Variants in ZNF121 observed in about 807,000 individuals in gnomAD.
ZNF121 encodes the protein zinc finger protein 121 (clone ZHC32).
Under a neutral mutation model 2.4 loss-of-function variants are expected in ZNF121, and 1 was observed. The ratio of observed to expected loss-of-function variants is 0.41; its 90% confidence interval spans 0.15 to 1.94. ZNF121 has a LOEUF of 1.94. Ranked by LOEUF, ZNF121 falls within the 30% of genes most tolerant of loss-of-function variation. The pLI, the probability that ZNF121 is intolerant of heterozygous loss-of-function variation, is 0.30. For missense variants in ZNF121, 369 were observed against 466.3 expected (o/e 0.79, Z 1.92); for synonymous variants, 173 against 158.6 (o/e 1.09, Z -0.68).
At chr19:9,568,621 G>A (rs559554544) in intron 2 of ZNF121, among the ~76,000 whole-genome samples, 9 of 151,956 alleles carry the variant, frequency 5.9e-5, no homozygotes, top group African/African-American at 1.5e-4. Flanking sequence ...AGATCCACCC[G>A]CCTCAGCCTC....
rs1302445129 is a variant in ZNF121 at position 9,563,069 on chromosome 19, A to G, written c.*2871T>C. ...CCATGTCTCAAAAAAAAAAAAAAAA[A>G]AAAAACTGGGATAGGCCAAAATCTA... is the stretch of plus-strand genomic sequence containing the variant. On this transcript the variant is annotated 3_prime_UTR_variant, in exon 4 of 4. Coordinates refer to ENST00000320451, the MANE Select transcript of ZNF121 (RefSeq NM_001008727.5). 6.6e-6 allele frequency: 1 copy of G among 151,278 alleles called. No homozygotes were observed. Among genetic ancestry groups the G allele is most frequent in the Non-Finnish European group, 1.5e-5 (1 of 67,852 alleles). 9.4% of individuals were successfully genotyped at this position (151,278 alleles called of 1,614,324 possible).
Position 9,561,251 on chromosome 19 carries a change from C to G in ZNF121, c.*4689G>C, listed in dbSNP as rs117042391. The G allele has an allele frequency of 6.6e-6, 1 of 152,232 alleles. No homozygotes were observed. Among genetic ancestry groups the G allele is most frequent in the Non-Finnish European group, 1.5e-5 (1 of 68,032 alleles). 9.4% of individuals were successfully genotyped at this position (152,232 alleles called of 1,614,324 possible). The stretch of plus-strand genomic sequence containing the variant: ...CTAGGAACACCTCCCTACACAGAGA[C>G]TGCAGCTTCTAAATAGTATTCTCCA... On this transcript the variant is annotated 3_prime_UTR_variant, in exon 4 of 4. Transcript: ENST00000320451.
At chr19:9,584,140 C>T (rs1055761453) in intron 1 of ZNF121, 1 of 152,220 alleles carries the variant, frequency 6.6e-6, no homozygotes, top group Non-Finnish European at 1.5e-5. Context: ...GCCAACCTGA[C>T]TGGAACGGCA....
chr19:9,566,375 A>G lies in ZNF121; in HGVS notation c.738T>C (p.His246=). ...GCTTCTCCTCTGTGTGAGTTTTAAAATGTTCAGTTAGTAGATAAAACCTAT... is the reference window on the plus strand; with the variant it reads ...GCTTCTCCTCTGTGTGAGTTTTAAAGTGTTCAGTTAGTAGATAAAACCTAT... ...AYNRFYLLTE[H]FKTHTEEKPF... is the part of the protein sequence containing the mutation. Residue 246 remains histidine, a synonymous_variant, in exon 4 of 4, where the codon CAT becomes CAC. Transcript: ENST00000320451. 6.2e-7 allele frequency: 1 copy of G among 1,613,852 alleles called. No individual in the cohort carries two copies. The highest frequency in any genetic ancestry group is 8.5e-7 in the Non-Finnish European group (1 of 1,179,964).
chr19:9,568,308 T>G (rs927798812), intron 2 of ZNF121, 133 bp from the exon 3 acceptor site: 12 of 444,196 alleles, frequency 2.7e-5, no homozygotes, highest in African/African-American at 2.4e-4. Context: ...CAGACATAGA[T>G]TTGAACAGTT....
chr19:9,562,161 ATTT>A lies in ZNF121; in HGVS notation c.*3776_*3778del, dbSNP rs34814047. The stretch of plus-strand genomic sequence containing the variant: ...ATTATACTTACTGTGGTGCTGTGTG[ATTT>A]TTTTTTTTTTTTTTTTTTGAGAAGG... On this transcript the variant is annotated 3_prime_UTR_variant, in exon 4 of 4. Transcript: ENST00000320451. The A allele has an allele frequency of 7.4e-5, 8 of 108,064 alleles. No individual in the cohort carries two copies. The highest frequency in any genetic ancestry group is 3.1e-4 in the South Asian group (1 of 3,220). 6.7% of individuals were successfully genotyped at this position (108,064 alleles called of 1,614,324 possible).
chr19:9,571,777 C>A (rs1001289753), intron 1 of ZNF121, among the ~76,000 whole-genome samples: 5 of 152,146 alleles, frequency 3.3e-5, no homozygotes, highest in Non-Finnish European at 7.3e-5. Flanking sequence ...GAGACAGGGT[C>A]TTACTCTGTC....
At chr19:9,574,782 G>A (rs1342283595) in intron 1 of ZNF121, among the ~76,000 whole-genome samples, 2 of 152,176 alleles carry the variant, frequency 1.3e-5, no homozygotes, top group African/African-American at 4.8e-5. Context: ...AAGCATGCCA[G>A]GGCAAATATT....
intron 1 of ZNF121, among the ~76,000 whole-genome samples, chr19:9,573,159 T>C (rs2074185989): frequency 6.6e-6 from 1 of 152,128 alleles, no homozygotes; most frequent in South Asian, 2.1e-4. Flanking sequence ...AACCACGACC[T>C]CCTAAAATGG....
chr19:9,577,947 C>T (rs575140616), intron 1 of ZNF121, among the ~76,000 whole-genome samples: 37 of 151,696 alleles, frequency 2.4e-4, no homozygotes, highest in African/African-American at 8.9e-4. Context: ...AATCCCAGCA[C>T]TCTGGGAGGC....
At chr19:9,583,983 T>G (rs149776055) in intron 1 of ZNF121, among the ~76,000 whole-genome samples, 1 of 152,138 alleles carries the variant, frequency 6.6e-6, no homozygotes, top group Non-Finnish European at 1.5e-5. Context: ...AAAATAAGAA[T>G]AGGACATCAA....
At chr19:9,571,158 C>T (rs2074171152) in intron 1 of ZNF121, among the ~76,000 whole-genome samples, 1 of 152,194 alleles carries the variant, frequency 6.6e-6, no homozygotes, top group African/African-American at 2.4e-5. Flanking sequence ...GTTGCAGCTA[C>T]TCAACTCTGC....
rs1212940960 is a variant in ZNF121, at chr19:9,566,290, A to G, written c.823T>C (p.Phe275Leu). 1.2e-6 allele frequency: 2 copies of G among 1,613,886 alleles called. No individual in the cohort carries two copies. Among genetic ancestry groups the G allele is most frequent in the African/African-American group, 1.3e-5 (1 of 74,874 alleles). Reference protein sequence around the residue: ...FRSSSCLKNHFRIHTGIKPYK... With the variant: ...FRSSSCLKNHLRIHTGIKPYK... The stretch of plus-strand genomic sequence containing the variant: ...GGTTTTATTCCAGTGTGAATTCTAA[A>G]GTGATTCTTAAGGCATGAAGAGCTT... Residue 275 changes from phenylalanine to leucine, a missense_variant, in exon 4 of 4, where the codon TTT becomes CTT. By Grantham distance (22) the Phe-to-Leu change is conservative (BLOSUM62 0). Coordinates refer to ENST00000320451, the MANE Select transcript of ZNF121 (RefSeq NM_001008727.5).
intron 1 of ZNF121, among the ~76,000 whole-genome samples, chr19:9,579,692 G>T (rs1397110752): frequency 6.6e-6 from 1 of 152,128 alleles, no homozygotes; most frequent in Admixed American, 6.6e-5. Flanking sequence ...GTTGATTCAT[G>T]GGTAAAATAC....
intron 1 of ZNF121, among the ~76,000 whole-genome samples, chr19:9,573,461 G>A (rs1459221911): frequency 6.6e-6 from 1 of 152,188 alleles, no homozygotes; most frequent in Non-Finnish European, 1.5e-5. Context: ...ATAGCCAGAA[G>A]AGAAGAATGA....
In ZNF121 at chr19:9,578,000, G is replaced by A. The variant is rs1021439493; in HGVS notation, c.-160+6461C>T. 8.7e-4 allele frequency among the ~76,000 whole-genome samples: 132 copies of A among 151,376 alleles called. 1 individual carries two copies. Among genetic ancestry groups the A allele is most frequent in the African/African-American group, 5.1e-4 (21 of 41,224 alleles). The stretch of plus-strand genomic sequence containing the variant: ...GAGGTCAGGAGATCAAGACCATCCC[G>A]GCTAACATGGTGAAATCCCATCTCT... On this transcript the variant is annotated intron_variant, in intron 1 of 3. Coordinates refer to ENST00000320451, the MANE Select transcript of ZNF121 (RefSeq NM_001008727.5).
Position 9,565,353 on chromosome 19 carries a change from C to CAAAAAAAAAAAAAAAAAAA in ZNF121, c.*568_*586dup, listed in dbSNP as rs71185609. The CAAAAAAAAAAAAAAAAAAA allele has an allele frequency of 2.7e-4, 8 of 29,862 alleles. No individual in the cohort carries two copies. The highest frequency in any genetic ancestry group is 1.4e-3 in the East Asian group (1 of 698). 1.8% of individuals were successfully genotyped at this position (29,862 alleles called of 1,614,324 possible). ...AAGAATGTGTATTAACAACGACTTA[C>CAAAAAAAAAAAAAAAAAAA]AAAAAAAAAAAAAAAAAAAAAAAAA... is the stretch of plus-strand genomic sequence containing the variant. On this transcript the variant is annotated 3_prime_UTR_variant, in exon 4 of 4. Coordinates refer to ENST00000320451, the MANE Select transcript of ZNF121 (RefSeq NM_001008727.5).
In ZNF121 at chr19:9,562,391, C is replaced by CCTGACCTCATGATT. The variant is rs1461685072; in HGVS notation, c.*3535_*3548dup. 1.5e-5 allele frequency: 4 copies of CCTGACCTCATGATT among 259,768 alleles called. No homozygotes were observed. The highest frequency in any genetic ancestry group is 3.5e-5 in the Non-Finnish European group (4 of 114,762). 16.1% of individuals were successfully genotyped at this position (259,768 alleles called of 1,614,324 possible). On this transcript the variant is annotated 3_prime_UTR_variant, in exon 4 of 4. Transcript: ENST00000320451. ...ATGGTGGCCAGGCTGGTCTCGAACT[C>CCTGACCTCATGATT]CTGACCTCATGATTCACTCACCTCA...
chr19:9,568,028 T>C (rs1427993270), intron 3 of ZNF121, 67 bp downstream of exon 3: 64 of 1,482,796 alleles, frequency 4.3e-5, no homozygotes, highest in Non-Finnish European at 5.1e-5. Context: ...CTCTCATTTT[T>C]GCTGATTTTT....
Sources: gnomAD v4.1 joint callset for allele counts (sites outside exome capture counted in the v4.1 genomes callset) on GRCh38, gnomAD v4.1.1 for gene constraint, MANE v1.5 for transcripts, NCBI Gene and HGNC (gene_info 2026-07-23, HGNC 2026-07-21) for gene names.